Variants in TRIM2 observed in about 807,000 individuals in gnomAD.
The protein encoded by TRIM2 is tripartite motif-containing protein 2.
Under a neutral mutation model 75.2 loss-of-function variants are expected in TRIM2, and 20 were observed. The observed-to-expected ratio is 0.27, with a 90% CI of 0.19 to 0.39. The LOEUF (loss-of-function observed/expected upper bound fraction) is 0.39. TRIM2 is among the 10% of genes least tolerant of loss of function. The probability of loss-of-function intolerance (pLI) is 1.00; values close to 1 mark genes in which losing one functional copy is unlikely to be tolerated. For synonymous variants in TRIM2, 373 were observed against 388.3 expected (o/e 0.96, Z 0.46); for missense variants, 660 against 990.8 (o/e 0.67, Z 4.48).
chr4:153,293,522 T>C (rs1345490418), intron 4 of TRIM2, among the ~76,000 whole-genome samples: 1 of 152,218 alleles, frequency 6.6e-6, no homozygotes, highest in Non-Finnish European at 1.5e-5. Flanking sequence ...ATTGGCTCCT[T>C]TCTGTCTGAG....
chr4:153,208,917 C>G (rs1027432287), intron 1 of TRIM2, among the ~76,000 whole-genome samples: 6 of 152,300 alleles, frequency 3.9e-5, no homozygotes, highest in African/African-American at 1.4e-4. Flanking sequence ...ACATCTGGAG[C>G]AGTGGGTGGG....
chr4:153,282,451 G>A (rs1425702775), intron 3 of TRIM2, among the ~76,000 whole-genome samples: 2 of 152,154 alleles, frequency 1.3e-5, no homozygotes, highest in Non-Finnish European at 2.9e-5. Flanking sequence ...GGCTCACTTT[G>A]GGAGGCCAAG....
chr4:153,172,416 T>C (rs1329821860), intron 1 of TRIM2, among the ~76,000 whole-genome samples: 1 of 152,186 alleles, frequency 6.6e-6, no homozygotes, highest in Non-Finnish European at 1.5e-5. Context: ...CTCGATCTCC[T>C]GACCCCATGA....
rs73854650 is a variant in TRIM2, at chr4:153,308,192, A to G, written c.1511-7293A>G. On this transcript the variant is annotated intron_variant, in intron 6 of 11. Coordinates refer to ENST00000338700, the MANE Select transcript of TRIM2 (RefSeq NM_015271.5). ...CATAGAGATCCCGGGCATCTTGGTC[A>G]ATCAGTTCATAATCAATGACAGAGC... 8.4e-3 allele frequency: 12,057 copies of G among 1,434,296 alleles called. 801 individuals are homozygous for G. In the African/African-American group the frequency reaches 0.15, roughly 18 times the overall value. 88.8% of individuals were successfully genotyped at this position (1,434,296 alleles called of 1,614,324 possible).
chr4:153,257,349 C>T, intron 1 of TRIM2: 1 of 1,048,426 alleles, frequency 9.5e-7, no homozygotes, highest in Non-Finnish European at 1.2e-6. Context: ...GCATCCCTAT[C>T]CCATAATCCC....
At chr4:153,292,146 T>C (rs1761951756) in intron 3 of TRIM2, among the ~76,000 whole-genome samples, 3 of 152,236 alleles carry the variant, frequency 2.0e-5, no homozygotes, top group African/African-American at 7.2e-5. Context: ...TTTGCTTTTT[T>C]CACTCTCGTT....
intron 1 of TRIM2, among the ~76,000 whole-genome samples, chr4:153,187,919 G>T (rs984389469): frequency 3.3e-5 from 5 of 152,068 alleles, no homozygotes; most frequent in Non-Finnish European, 7.4e-5. Flanking sequence ...ATTATATCTG[G>T]TCCTATTATA....
intron 6 of TRIM2, among the ~76,000 whole-genome samples, chr4:153,299,725 C>T (rs753456691): frequency 3.9e-5 from 6 of 152,094 alleles, no homozygotes; most frequent in Admixed American, 6.6e-5. Flanking sequence ...CTATCACCTG[C>T]TTTGACCCGA....
chr4:153,190,649 G>A (rs894661014), intron 1 of TRIM2, among the ~76,000 whole-genome samples: 3 of 152,212 alleles, frequency 2.0e-5, no homozygotes, highest in Non-Finnish European at 4.4e-5. Context: ...GTCATTGGGA[G>A]GAATACTAGG....
chr4:153,249,967 G>A (rs1230601353), intron 1 of TRIM2, among the ~76,000 whole-genome samples: 1 of 152,158 alleles, frequency 6.6e-6, no homozygotes, highest in East Asian at 1.9e-4. Flanking sequence ...CCAAGCAATG[G>A]GCGAAACAAA....
intron 1 of TRIM2, among the ~76,000 whole-genome samples, chr4:153,247,798 G>A (rs1749675008): frequency 6.6e-6 from 1 of 151,372 alleles, no homozygotes; most frequent in African/African-American, 2.4e-5. Flanking sequence ...GAAGTGTAGT[G>A]TTTTATTAAA....
intron 1 of TRIM2, among the ~76,000 whole-genome samples, chr4:153,194,027 A>G (rs1733508927): frequency 6.6e-6 from 1 of 152,182 alleles, no homozygotes; most frequent in Non-Finnish European, 1.5e-5. Flanking sequence ...GCGTCCACTG[A>G]TGGCCCCCAG....
At chr4:153,223,590 C>T (rs1030683657) in intron 1 of TRIM2, among the ~76,000 whole-genome samples, 31 of 152,190 alleles carry the variant, frequency 2.0e-4, no homozygotes, top group African/African-American at 5.5e-4. Flanking sequence ...AATACTTGCC[C>T]GGTGTTGAAA....
In TRIM2 at chr4:153,295,786, C is replaced by T. The variant is rs761059832; in HGVS notation, c.1260C>T (p.Tyr420=). The T allele has an allele frequency of 1.9e-6, 3 of 1,614,068 alleles. No individual in the cohort carries two copies. Among genetic ancestry groups the T allele is most frequent in the Admixed American group, 1.7e-5 (1 of 60,012 alleles). ...DNKNGTYEFL[Y]TVQKEGDFTL... Reference sequence around the variant, plus strand: ...AGAACGGCACCTATGAGTTTTTGTACACTGTCCAGAAGGAAGGGGACTTTA... The same window carrying T: ...AGAACGGCACCTATGAGTTTTTGTATACTGTCCAGAAGGAAGGGGACTTTA... The change falls in exon 6 of 12, where the codon TAC becomes TAT. Residue 420 remains tyrosine, a synonymous_variant. Coordinates refer to ENST00000338700, the MANE Select transcript of TRIM2 (RefSeq NM_015271.5). This position sits in a 1 kb window ranked among gnomAD's most constrained non-coding sequence, Gnocchi z 7.2.
chr4:153,282,815 G>T lies in TRIM2; in HGVS notation c.453+6685G>T, dbSNP rs559366150. ...TAATTTTTTTTTTGGAGACAAAAAA[G>T]TCTCACTCTGTCACCCAGGCTGGAG... On this transcript the variant is annotated intron_variant, in intron 3 of 11. Coordinates refer to ENST00000338700, the MANE Select transcript of TRIM2 (RefSeq NM_015271.5). Among the ~76,000 whole-genome samples, 312 of 151,208 alleles carry T rather than the reference G, an allele frequency of 2.1e-3. 2 individuals carry two copies. The highest frequency in any genetic ancestry group is 7.2e-3 in the African/African-American group (298 of 41,122).
intron 4 of TRIM2, 127 bp downstream of exon 4, chr4:153,293,260 G>T: frequency 4.1e-6 from 4 of 984,236 alleles, no homozygotes; most frequent in Non-Finnish European, 1.4e-6. Flanking sequence ...GGGTAAATAA[G>T]TTCTTTTATC....
At chr4:153,221,782 GA>G (rs1579718136) in intron 1 of TRIM2, among the ~76,000 whole-genome samples, 2 of 63,790 alleles carry the variant, frequency 3.1e-5, no homozygotes, top group Admixed American at 1.8e-4. Context: ...AAGGAAAGAA[GA>G]AAAGGAAGGA....
intron 1 of TRIM2, among the ~76,000 whole-genome samples, chr4:153,249,654 C>A (rs562857860): frequency 6.6e-6 from 1 of 152,356 alleles, no homozygotes; most frequent in African/African-American, 2.4e-5. Context: ...CTCTGTTCAG[C>A]CTCCACCAGC....
rs752840511 is a variant in TRIM2, at chr4:153,244,423, C to CT, written c.31-25910dup. On this transcript the variant is annotated intron_variant, in intron 1 of 11. Coordinates refer to ENST00000338700, the MANE Select transcript of TRIM2 (RefSeq NM_015271.5). ...TCTTCTTCTTCTTCTTCTTCTTCTT[C>CT]TTCTTCTTCTTCTTTTAATTAGAGA... is the stretch of plus-strand genomic sequence containing the variant. 1.8e-4 allele frequency among the ~76,000 whole-genome samples: 18 copies of CT among 100,992 alleles called. 4 individuals are homozygous for CT. The highest frequency in any genetic ancestry group is 3.0e-4 in the Non-Finnish European group (15 of 49,654). The allele number at this position is 100,992 out of a possible 152,430, so 66.3% of individuals were successfully genotyped here.
Sources: allele counts gnomAD v4.1 joint callset (sites outside exome capture counted in the v4.1 genomes callset), GRCh38; gene constraint gnomAD v4.1.1; non-coding constraint Gnocchi (gnomAD v3.1); transcripts MANE v1.5; gene names NCBI Gene and HGNC (gene_info 2026-07-23, HGNC 2026-07-21).